The following CNTNAP2 variants were observed in gnomAD, a reference collection of about 807,000 sequenced individuals.
The protein encoded by CNTNAP2 is contactin associated protein 2.
In CNTNAP2, 98 loss-of-function variants were observed where a neutral mutation model predicts 155.2. The ratio of observed to expected loss-of-function variants is 0.63; its 90% CI spans 0.54 to 0.75. The LOEUF (loss-of-function observed/expected upper bound fraction) is 0.75, where lower values mean the gene tolerates loss of function less well. Among genes scored for constraint, CNTNAP2 ranks in the 30% least tolerant of loss-of-function variants. CNTNAP2 has a pLI of 0.00. For missense variants in CNTNAP2, 1,727 were observed against 1,688.1 expected, an observed-to-expected ratio of 1.02 and a Z score of -0.40; for synonymous variants, 651 against 631.2, an observed-to-expected ratio of 1.03 and a Z score of -0.47.
At chr7:148,091,376 GTCAA>G (rs1440590121) in intron 15 of CNTNAP2, among the ~76,000 whole-genome samples, 3 of 151,946 alleles carry the variant, frequency 2.0e-5, no homozygotes, top group East Asian at 1.9e-4. Flanking sequence ...ATTTTTACTT[GTCAA>G]TCAAATAGTT....
intron 1 of CNTNAP2, among the ~76,000 whole-genome samples, chr7:146,531,151 T>A (rs62484477): frequency 6.6e-6 from 1 of 151,922 alleles, no homozygotes; most frequent in East Asian, 1.9e-4. Flanking sequence ...TTCTCACTTG[T>A]CAGTGGGAGC....
At chr7:146,151,682 GTATATA>G (rs775446723) in intron 1 of CNTNAP2, among the ~76,000 whole-genome samples, 2 of 74,124 alleles carry the variant, frequency 2.7e-5, no homozygotes, top group Admixed American at 4.0e-4. Context: ...ATATATATAT[GTATATA>G]TATATATATG....
chr7:146,755,048 T>A (rs1284064422), intron 1 of CNTNAP2, among the ~76,000 whole-genome samples: 2 of 151,860 alleles, frequency 1.3e-5, no homozygotes, highest in Non-Finnish European at 2.9e-5. Flanking sequence ...CAGAATACAG[T>A]CTTTGGTGGT....
At chr7:147,564,700 C>T (rs923708506) in intron 12 of CNTNAP2, among the ~76,000 whole-genome samples, 4 of 152,196 alleles carry the variant, frequency 2.6e-5, no homozygotes, top group African/African-American at 9.7e-5. Flanking sequence ...GAGAGCTTCT[C>T]CTGTGCATTG....
chr7:147,384,375 G>A (rs1223090056), intron 9 of CNTNAP2, among the ~76,000 whole-genome samples: 3 of 152,122 alleles, frequency 2.0e-5, no homozygotes, highest in Admixed American at 6.6e-5. Context: ...GCTCTAAGTG[G>A]GTGAATGTAT....
At chr7:146,142,833 T>C (rs1380624948) in intron 1 of CNTNAP2, among the ~76,000 whole-genome samples, 1 of 152,234 alleles carries the variant, frequency 6.6e-6, no homozygotes, top group East Asian at 1.9e-4. Context: ...ACATTTATCA[T>C]ATTGTAAAAT....
intron 2 of CNTNAP2, among the ~76,000 whole-genome samples, chr7:146,807,875 T>C (rs1025661380): frequency 3.3e-5 from 5 of 152,134 alleles, no homozygotes; most frequent in Non-Finnish European, 5.9e-5. Flanking sequence ...CTCCTTCCTT[T>C]GTAAGTAAGA....
intron 1 of CNTNAP2, among the ~76,000 whole-genome samples, chr7:146,669,811 T>C (rs181950180): frequency 6.0e-5 from 9 of 151,166 alleles, no homozygotes; most frequent in Non-Finnish European, 1.0e-4. Context: ...TTTTAAACTT[T>C]AGTGTAAGTA....
chr7:146,941,587 T>C (rs1797058340), intron 3 of CNTNAP2, among the ~76,000 whole-genome samples: 1 of 152,140 alleles, frequency 6.6e-6, no homozygotes, highest in Non-Finnish European at 1.5e-5. Flanking sequence ...ACCAATGAGT[T>C]TTATTCTTTC....
At chr7:148,269,578 T>C (rs1796738439) in intron 21 of CNTNAP2, among the ~76,000 whole-genome samples, 1 of 152,228 alleles carries the variant, frequency 6.6e-6, no homozygotes, top group South Asian at 2.1e-4. Context: ...AAGGTCAATT[T>C]GACAAAAGTT....
At chr7:146,584,364 A>T (rs190300229) in intron 1 of CNTNAP2, among the ~76,000 whole-genome samples, 1 of 152,314 alleles carries the variant, frequency 6.6e-6, no homozygotes, top group Non-Finnish European at 1.5e-5. Context: ...GCGCATAGGA[A>T]AACTGTCAGA....
intron 8 of CNTNAP2, among the ~76,000 whole-genome samples, chr7:147,176,304 C>T (rs6464785): frequency 0.6 from 91,827 of 151,928 alleles, 28,111 homozygotes; most frequent in Middle Eastern, 0.69. Flanking sequence ...TTCAGTGCTA[C>T]GGATTAAGTT....
chr7:148,160,165 A>C (rs1028115639), intron 17 of CNTNAP2, among the ~76,000 whole-genome samples: 1 of 152,156 alleles, frequency 6.6e-6, no homozygotes, highest in Admixed American at 6.5e-5. Flanking sequence ...GCCTGAGCCC[A>C]GGAGGTCTAG....
chr7:148,197,966 T>C (rs769799931), intron 18 of CNTNAP2, among the ~76,000 whole-genome samples: 7 of 152,236 alleles, frequency 4.6e-5, no homozygotes, highest in Non-Finnish European at 8.8e-5. Context: ...CTTGAAGCTC[T>C]AAAAAGGCTA....
In CNTNAP2 at chr7:147,937,256, G is replaced by C. The variant is rs529270815; in HGVS notation, c.2255+33535G>C. Among the ~76,000 whole-genome samples, 15 of 152,250 alleles carry C rather than the reference G, an allele frequency of 9.9e-5. No homozygotes were observed. In the South Asian group the frequency reaches 3.1e-3, roughly 32 times the overall value. On this transcript the variant is annotated intron_variant, in intron 14 of 23. Coordinates refer to ENST00000361727, the MANE Select transcript of CNTNAP2 (RefSeq NM_014141.6). The stretch of plus-strand genomic sequence containing the variant: ...ACTTTTAGAATTTATTTGTTGTTAA[G>C]TTTGACCAACAAATTTCCATATCCT...
chr7:146,760,079 A>T (rs1240861352), intron 1 of CNTNAP2, among the ~76,000 whole-genome samples: 1 of 152,144 alleles, frequency 6.6e-6, no homozygotes, highest in Non-Finnish European at 1.5e-5. Context: ...AGAATCTATG[A>T]CTGGTAATTT....
chr7:147,629,954 G>A (rs541843389), intron 12 of CNTNAP2, among the ~76,000 whole-genome samples: 114 of 150,024 alleles, frequency 7.6e-4, no homozygotes, highest in African/African-American at 2.6e-3. Flanking sequence ...AAACCCAGCA[G>A]AAAAAAAGAA....
intron 4 of CNTNAP2, among the ~76,000 whole-genome samples, chr7:147,098,857 A>T (rs921579884): frequency 3.9e-5 from 6 of 152,196 alleles, no homozygotes. Flanking sequence ...CATTTGTATA[A>T]ACTGCTTGTC....
At position 148,364,462 on chromosome 7, in the gene CNTNAP2, A is replaced by T. The variant is rs181717145; in HGVS notation, c.3476-19187A>T. Among the ~76,000 whole-genome samples the T allele has an allele frequency of 1.4e-4, 21 of 148,854 alleles. 1 individual carries two copies. Among genetic ancestry groups the T allele is most frequent in the African/African-American group, 5.2e-4 (21 of 40,160 alleles). ...TCTGGTGAGGACGTGGAGAACTTTT[A>T]TGTATAGCTCAAGGATTGTAAATAC... On this transcript the variant is annotated intron_variant, in intron 21 of 23. Transcript: ENST00000361727.
Sources: gnomAD v4.1 joint callset for allele counts (sites outside exome capture counted in the v4.1 genomes callset) on GRCh38, gnomAD v4.1.1 for gene constraint, MANE v1.5 for transcripts, NCBI Gene and HGNC (gene_info 2026-07-23, HGNC 2026-07-21) for gene names.